DDO: variants seen among roughly 807,000 people sequenced by gnomAD.
DDO encodes D-aspartate oxidase, DDO.
A neutral mutation model predicts 16.8 loss-of-function variants in DDO; 16 were observed. The observed-to-expected ratio is 0.95, with a 90% confidence interval of 0.65 to 1.45. DDO has a LOEUF of 1.45. Among genes scored for constraint, DDO ranks in the 40% most tolerant of loss-of-function variants. DDO has a pLI of 0.00. For synonymous variants in DDO, 180 were observed against 167.2 expected (o/e 1.08, Z -0.59); for missense variants, 429 against 420.3 (o/e 1.02, Z -0.18).
downstream of DDO, among the ~76,000 whole-genome samples, chr6:110,391,344 C>G (rs1047653714): frequency 7.0e-6 from 1 of 141,950 alleles, no homozygotes; most frequent in Non-Finnish European, 1.5e-5. Context: ...TCCATTTCTC[C>G]TCAAGCCTTT....
chr6:110,404,329 T>G (rs967689165), intron 4 of DDO, among the ~76,000 whole-genome samples: 7 of 152,220 alleles, frequency 4.6e-5, no homozygotes, highest in Non-Finnish European at 8.8e-5. Context: ...ATGAAATTTT[T>G]TTGCTTTACC....
rs1315620624 is a variant in DDO at position 110,393,009 on chromosome 6, G to A, written c.792C>T (p.Ser264=). ...ILSRCCALEP[S]LHGACNIREK... ...CCCTGATGTTGCAGGCTCCGTGGAG[G>A]GAGGGCTCCAGAGCACAGCATCGGG... is the stretch of plus-strand genomic sequence containing the variant. The change falls in exon 5 of 5, where the codon TCC becomes TCT. Residue 264 remains serine (S), a synonymous_variant. Transcript: ENST00000368924. The A allele has an allele frequency of 6.2e-7, 1 of 1,610,988 alleles. No homozygotes were observed. Among genetic ancestry groups the A allele is most frequent in the Admixed American group, 1.7e-5 (1 of 59,982 alleles).
At position 110,392,429 on chromosome 6, in the gene DDO, A is replaced by G. The variant is rs776904992; in HGVS notation, c.*346T>C. On this transcript the variant is annotated 3_prime_UTR_variant, in exon 5 of 5. Coordinates refer to ENST00000368924, the MANE Select transcript of DDO (RefSeq NM_001372108.2). ...ATAAGAAGTATTTTTAACAAAAAATAGAGCTTTATGCCCTATGCCATTAAT... is the reference window on the plus strand; with the variant it reads ...ATAAGAAGTATTTTTAACAAAAAATGGAGCTTTATGCCCTATGCCATTAAT... 71 of 1,019,026 alleles carry G rather than the reference A, an allele frequency of 7.0e-5. No homozygotes were observed. Among genetic ancestry groups the G allele is most frequent in the Non-Finnish European group, 8.3e-5 (71 of 853,314 alleles). The allele number at this position is 1,019,026 out of a possible 1,614,324, so 63.1% of individuals were successfully genotyped here.
rs1370008461 is a variant in DDO, at chr6:110,393,330, A to C, written c.471T>G (p.Ser157Arg). Residue 157 changes from serine to arginine, a missense_variant, in exon 5 of 5, where the codon AGT becomes AGG. By Grantham distance (110) the Ser-to-Arg change is moderately radical (BLOSUM62 -1). Transcript: ENST00000368924. Reference sequence around the variant, plus strand: ...TTCGCCGAGTGAGTGTCCAGCCTCCACTTCCCTTTATCCTACGGAAGAGAG... The same window carrying C: ...TTCGCCGAGTGAGTGTCCAGCCTCCCCTTCCCTTTATCCTACGGAAGAGAG... ...LPWLEKRIKG[S>R]GGWTLTRRIE... 1.9e-6 allele frequency: 3 copies of C among 1,600,720 alleles called. No individual in the cohort carries two copies. The highest frequency in any genetic ancestry group is 1.7e-6 in the Non-Finnish European group (2 of 1,170,966).
intron 1 of DDO, 144 bp from the exon 2 acceptor site, chr6:110,413,610 G>A: frequency 2.6e-6 from 2 of 771,888 alleles, no homozygotes; most frequent in Non-Finnish European, 4.2e-6. Flanking sequence ...GAGATAAAGA[G>A]GATAACCCCA....
Position 110,408,358 on chromosome 6 carries a change from T to C in DDO, c.257A>G (p.Asp86Gly), listed in dbSNP as rs1157507141. Residue 86 changes from aspartate (D) to glycine (G), a missense_variant, in exon 3 of 5, where the codon GAT becomes GGT. Coordinates refer to ENST00000368924, the MANE Select transcript of DDO (RefSeq NM_001372108.2). The part of the protein sequence containing the change: ...FAIANSAEAG[D>G]AGVHLVSGWQ... The stretch of plus-strand genomic sequence containing the variant: ...CCCTGATACCAAATGAACACCAGCA[T>C]CTCCAGCTTCTGCAGAATTGGCAAT... 6.2e-7 allele frequency: 1 copy of C among 1,613,998 alleles called. No individual in the cohort carries two copies. Among genetic ancestry groups the C allele is most frequent in the African/African-American group, 1.3e-5 (1 of 74,918 alleles).
chr6:110,409,866 A>G (rs1773790726), intron 2 of DDO, among the ~76,000 whole-genome samples: 1 of 152,252 alleles, frequency 6.6e-6, no homozygotes, highest in Non-Finnish European at 1.5e-5. Context: ...ATGCTGCAGA[A>G]GTCATCCCAA....
intron 3 of DDO, among the ~76,000 whole-genome samples, chr6:110,406,131 AC>A (rs1171870023): frequency 6.6e-6 from 1 of 152,122 alleles, no homozygotes; most frequent in African/African-American, 2.4e-5. Context: ...TACAGGCCAG[AC>A]ACTTAGAAGG....
chr6:110,399,474 G>A (rs1773400646), intron 4 of DDO, among the ~76,000 whole-genome samples: 2 of 152,334 alleles, frequency 1.3e-5, no homozygotes, highest in African/African-American at 4.8e-5. Flanking sequence ...GTCGCCTGGC[G>A]GGAGGTCAGT....
At chr6:110,411,174 C>T (rs1034931213) in intron 2 of DDO, among the ~76,000 whole-genome samples, 3 of 152,138 alleles carry the variant, frequency 2.0e-5, no homozygotes, top group Non-Finnish European at 2.9e-5. Context: ...AGAAGAAAAA[C>T]TTAAACTGAA....
chr6:110,406,461 G>A (rs1773659455), intron 3 of DDO, among the ~76,000 whole-genome samples: 1 of 152,040 alleles, frequency 6.6e-6, no homozygotes. Context: ...CTCCCCTTAG[G>A]CATTTCTCAA....
chr6:110,411,305 C>T (rs1181181689), intron 2 of DDO, among the ~76,000 whole-genome samples: 3 of 152,120 alleles, frequency 2.0e-5, no homozygotes, highest in Admixed American at 2.0e-4. Flanking sequence ...CACTCATAAA[C>T]ATCAGCAGAC....
intron 4 of DDO, among the ~76,000 whole-genome samples, chr6:110,399,456 C>G (rs950667170): frequency 2.0e-5 from 3 of 152,210 alleles, no homozygotes; most frequent in Admixed American, 6.5e-5. Flanking sequence ...GTGTGGCGTC[C>G]CATGTGGGTC....
chr6:110,413,397 G>T lies in DDO; in HGVS notation c.66C>A (p.Ile22=). ...GVVGLSTAVC[I]SKLVPRCSVT... ...CGGAGCATCGGGGCACCAGTTTGGA[G>T]ATGCACACAGCCGTGGAGAGCCCCA... The change falls in exon 2 of 5, where the codon ATC becomes ATA. Residue 22 remains isoleucine, a synonymous_variant. Coordinates refer to ENST00000368924, the MANE Select transcript of DDO (RefSeq NM_001372108.2). 1 of 1,614,106 alleles carries T rather than the reference G, an allele frequency of 6.2e-7. No homozygotes were observed. Among genetic ancestry groups the T allele is most frequent in the Non-Finnish European group, 8.5e-7 (1 of 1,180,046 alleles).
intron 2 of DDO, among the ~76,000 whole-genome samples, chr6:110,412,570 G>A (rs1250050575): frequency 1.3e-5 from 2 of 152,212 alleles, no homozygotes; most frequent in Admixed American, 1.3e-4. Flanking sequence ...GCCATCATCA[G>A]AAGCGTTGAA....
chr6:110,408,179 C>A (rs1582488635), intron 3 of DDO, among the ~76,000 whole-genome samples, 155 bp downstream of exon 3: 1 of 152,198 alleles, frequency 6.6e-6, no homozygotes, highest in Non-Finnish European at 1.5e-5. Context: ...TTCTTCAGTT[C>A]TTTGGGGTAA....
downstream of DDO, among the ~76,000 whole-genome samples, chr6:110,389,135 C>A (rs533638929): frequency 6.6e-6 from 1 of 152,172 alleles, no homozygotes; most frequent in South Asian, 2.1e-4. Context: ...CTGTTGAAGG[C>A]CTGAATAGAA....
chr6:110,407,711 T>G (rs936532690), intron 3 of DDO, among the ~76,000 whole-genome samples: 2 of 152,242 alleles, frequency 1.3e-5, no homozygotes, highest in African/African-American at 4.8e-5. Context: ...AAAGATGTCA[T>G]GTTTTAAGTG....
chr6:110,413,608 G>A, intron 1 of DDO, 142 bp from the exon 2 acceptor site: 4 of 789,632 alleles, frequency 5.1e-6, no homozygotes, highest in Non-Finnish European at 8.1e-6. Context: ...GTGAGATAAA[G>A]AGGATAACCC....
Sources: allele counts gnomAD v4.1 joint callset (sites outside exome capture counted in the v4.1 genomes callset), GRCh38; gene constraint gnomAD v4.1.1; transcripts MANE v1.5; gene names NCBI Gene and HGNC (gene_info 2026-07-23, HGNC 2026-07-21).